DLG2: variants seen among roughly 807,000 people sequenced by gnomAD.
DLG2 encodes the protein disks large homolog 2.
In DLG2, 45 loss-of-function variants were observed where a neutral mutation model predicts 132.5. The ratio of observed to expected loss-of-function variants is 0.34; its 90% CI spans 0.27 to 0.44. The LOEUF is 0.44. DLG2 is among the 20% of genes least tolerant of loss of function. The probability of loss-of-function intolerance (pLI) is 1.00; values close to 1 mark genes in which losing one functional copy is unlikely to be tolerated. For missense variants in DLG2, 1,045 were observed against 1,196.9 expected (o/e 0.87, Z 1.87); for synonymous variants, 424 against 419.6 (o/e 1.01, Z -0.13).
At chr11:83,652,040 G>A in intron 18 of DLG2, 2 of 294,282 alleles carry the variant, frequency 6.8e-6, no homozygotes, top group Admixed American at 4.0e-5. Context: ...CAGCAGAAAA[G>A]AGAAAAAATT....
At chr11:85,455,210 T>C (rs964668612) in intron 3 of DLG2, among the ~76,000 whole-genome samples, 1 of 152,200 alleles carries the variant, frequency 6.6e-6, no homozygotes, top group Non-Finnish European at 1.5e-5. Flanking sequence ...GAGTAGCGTT[T>C]TGTAATTGTC....
chr11:84,800,662 A>C (rs1462832967), intron 6 of DLG2: 1 of 152,172 alleles, frequency 6.6e-6, no homozygotes, highest in African/African-American at 2.4e-5. Context: ...AAGGCATAAA[A>C]TATTATTTTG....
At chr11:83,849,738 A>T (rs1416452056) in intron 16 of DLG2, among the ~76,000 whole-genome samples, 1 of 136,576 alleles carries the variant, frequency 7.3e-6, no homozygotes. Context: ...AAGTTTTACA[A>T]TCTGGAGCTC....
At chr11:84,182,767 T>C (rs751899788) in intron 8 of DLG2, among the ~76,000 whole-genome samples, 7 of 151,860 alleles carry the variant, frequency 4.6e-5, no homozygotes, top group African/African-American at 7.3e-5. Context: ...ATCAAGAAAA[T>C]TGAAAACAGA....
chr11:84,927,304 A>AGTTTT (rs1445126291), intron 6 of DLG2, among the ~76,000 whole-genome samples: 2 of 151,996 alleles, frequency 1.3e-5, no homozygotes, highest in African/African-American at 4.8e-5. Context: ...TAGATAGAGT[A>AGTTTT]GTTTTGTTAG....
intron 7 of DLG2, among the ~76,000 whole-genome samples, chr11:84,297,027 G>A (rs2098098644): frequency 6.6e-6 from 1 of 151,530 alleles, no homozygotes; most frequent in Non-Finnish European, 1.5e-5. Context: ...GTATCTGGGG[G>A]CTTTATTAAG....
chr11:83,461,966 C>T, intron 27 of DLG2, 36 bp downstream of exon 27: 6 of 1,383,436 alleles, frequency 4.3e-6, no homozygotes, highest in Non-Finnish European at 5.2e-6. Flanking sequence ...ACAATTTATC[C>T]CCTTTCTCAC....
At chr11:84,851,027 A>G (rs995323261) in intron 6 of DLG2, among the ~76,000 whole-genome samples, 3 of 152,124 alleles carry the variant, frequency 2.0e-5, no homozygotes, top group African/African-American at 7.2e-5. Flanking sequence ...ATTCCCCCAG[A>G]AATTGATATG....
chr11:83,735,182 T>C (rs1455647185), intron 18 of DLG2, among the ~76,000 whole-genome samples: 1 of 152,130 alleles, frequency 6.6e-6, no homozygotes, highest in Non-Finnish European at 1.5e-5. Context: ...GCCACATAAG[T>C]TTTTCTTTGG....
chr11:84,778,250 G>A (rs1409036600), intron 6 of DLG2, among the ~76,000 whole-genome samples: 1 of 152,104 alleles, frequency 6.6e-6, no homozygotes, highest in Non-Finnish European at 1.5e-5. Context: ...GTCTATCAAA[G>A]ATCAGTTGGT....
intron 6 of DLG2, among the ~76,000 whole-genome samples, chr11:84,913,970 C>A (rs2092292224): frequency 6.6e-6 from 1 of 152,150 alleles, no homozygotes; most frequent in Non-Finnish European, 1.5e-5. Flanking sequence ...TTACTCCCTC[C>A]CATCCAGGCT....
At chr11:83,904,670 T>TA (rs2074284572) in intron 15 of DLG2, among the ~76,000 whole-genome samples, 1 of 151,952 alleles carries the variant, frequency 6.6e-6, no homozygotes, top group South Asian at 2.1e-4. Flanking sequence ...TTTTTTTTTT[T>TA]AACCATCCAT....
At chr11:83,769,238 G>C (rs550556381) in intron 18 of DLG2, among the ~76,000 whole-genome samples, 1 of 152,110 alleles carries the variant, frequency 6.6e-6, no homozygotes, top group East Asian at 1.9e-4. Context: ...TTATTTTAAG[G>C]ACTAGCCATC....
intron 6 of DLG2, among the ~76,000 whole-genome samples, chr11:84,614,655 A>AC (rs1368748105): frequency 6.6e-6 from 1 of 152,100 alleles, no homozygotes; most frequent in African/African-American, 2.4e-5. Flanking sequence ...ATATATATAC[A>AC]TTTTTTACCT....
At chr11:85,051,612 G>A (rs960969138) in intron 6 of DLG2, among the ~76,000 whole-genome samples, 11 of 152,116 alleles carry the variant, frequency 7.2e-5, no homozygotes, top group Admixed American at 2.6e-4. Flanking sequence ...AATATTAGAA[G>A]GAGGCGTGGA....
At chr11:83,584,047 T>G (rs756709890) in intron 19 of DLG2, among the ~76,000 whole-genome samples, 7 of 152,208 alleles carry the variant, frequency 4.6e-5, no homozygotes, top group Non-Finnish European at 7.3e-5. Context: ...CTGATTCACA[T>G]TAATTTTGTG....
At chr11:83,620,221 TA>T (rs1380212380) in intron 19 of DLG2, among the ~76,000 whole-genome samples, 1 of 151,904 alleles carries the variant, frequency 6.6e-6, no homozygotes, top group Non-Finnish European at 1.5e-5. Context: ...TACAATGTTA[TA>T]AAATACAATG....
intron 7 of DLG2, among the ~76,000 whole-genome samples, chr11:84,483,727 A>T (rs951485593): frequency 6.6e-6 from 1 of 152,204 alleles, no homozygotes; most frequent in Non-Finnish European, 1.5e-5. Flanking sequence ...AAATGAAGAA[A>T]ATAATATTAC....
At chr11:84,569,044 A>G (rs1056905857) in intron 6 of DLG2, among the ~76,000 whole-genome samples, 1 of 152,170 alleles carries the variant, frequency 6.6e-6, no homozygotes, top group Non-Finnish European at 1.5e-5. Flanking sequence ...CCTGACCAGA[A>G]GTAATAGCAG....
Sources: gnomAD v4.1 joint callset for allele counts (sites outside exome capture counted in the v4.1 genomes callset) on GRCh38, gnomAD v4.1.1 for gene constraint, MANE v1.5 for transcripts, NCBI Gene and HGNC (gene_info 2026-07-23, HGNC 2026-07-21) for gene names.